Variants in PCLO observed in about 807,000 individuals in gnomAD.
The protein encoded by PCLO is protein piccolo.
In PCLO, 82 loss-of-function variants were observed where a neutral mutation model predicts 427.5. The ratio of observed to expected loss-of-function variants is 0.19; its 90% CI spans 0.16 to 0.23. PCLO has a LOEUF of 0.23. Ranked by LOEUF, PCLO falls within the 10% of genes least tolerant of loss-of-function variation. The probability of loss-of-function intolerance (pLI) is 1.00; values close to 1 mark genes in which losing one functional copy is unlikely to be tolerated. For missense variants in PCLO, 6,239 were observed against 6,115.9 expected, an observed-to-expected ratio of 1.02 and a Z score of -0.67; for synonymous variants, 2,357 against 2,155.4, an observed-to-expected ratio of 1.09 and a Z score of -2.59.
intron 3 of PCLO, among the ~76,000 whole-genome samples, chr7:83,008,883 G>T (rs1338443812): frequency 1.3e-5 from 2 of 151,128 alleles, no homozygotes; most frequent in African/African-American, 2.4e-5. Flanking sequence ...GTTTAGATAA[G>T]AAACACACTC....
At chr7:83,133,836 G>T (rs115542496) in intron 3 of PCLO, among the ~76,000 whole-genome samples, 2 of 152,082 alleles carry the variant, frequency 1.3e-5, no homozygotes, top group South Asian at 2.1e-4. Context: ...AGACTGGAAG[G>T]ATTAGAGATG....
intron 9 of PCLO, among the ~76,000 whole-genome samples, chr7:82,893,453 T>C (rs1793822952): frequency 1.3e-5 from 2 of 151,872 alleles, no homozygotes; most frequent in South Asian, 4.2e-4. Context: ...GGGATAGCAT[T>C]AGGAGATACA....
intron 3 of PCLO, among the ~76,000 whole-genome samples, chr7:83,106,323 C>A (rs1310285852): frequency 6.6e-6 from 1 of 152,160 alleles, no homozygotes; most frequent in African/African-American, 2.4e-5. Context: ...CCCTATGGAG[C>A]ATTATCCTCA....
At chr7:82,817,368 C>G (rs554874405) in intron 20 of PCLO, among the ~76,000 whole-genome samples, 1 of 152,190 alleles carries the variant, frequency 6.6e-6, no homozygotes, top group South Asian at 2.1e-4. Flanking sequence ...TATGCTTTTT[C>G]CTTTATTTTT....
intron 20 of PCLO, chr7:82,821,879 C>G: frequency 1.0e-6 from 1 of 983,314 alleles, no homozygotes; most frequent in Non-Finnish European, 1.2e-6. Flanking sequence ...ATTTTCTTCA[C>G]AGATTTTTCA....
chr7:82,824,226 T>A lies in PCLO; in HGVS notation c.14596+10A>T, dbSNP rs373317266. On this transcript the variant is annotated intron_variant, in intron 19 of 24. Transcript: ENST00000333891. Reference sequence around the variant, plus strand: ...ACAAAACTTTTTCTACTTAAAAAAATATTTCCTACCCTTTGATGGGTCAGG... The same window carrying A: ...ACAAAACTTTTTCTACTTAAAAAAAAATTTCCTACCCTTTGATGGGTCAGG... 4.8e-5 allele frequency: 76 copies of A among 1,578,570 alleles called. No individual in the cohort carries two copies. The highest frequency in any genetic ancestry group is 6.4e-5 in the Non-Finnish European group (75 of 1,163,344).
Position 82,793,644 on chromosome 7 carries a change from A to G in PCLO, c.15007+7874T>C, listed in dbSNP as rs138314022. Among the ~76,000 whole-genome samples the G allele has an allele frequency of 1.5e-3, 221 of 152,230 alleles. 1 individual carries two copies. The highest frequency in any genetic ancestry group is 5.1e-3 in the African/African-American group (212 of 41,532). On this transcript the variant is annotated intron_variant, in intron 22 of 24. Transcript: ENST00000333891. Reference sequence around the variant, plus strand: ...GGGAATCAAATTCAGATTTTTAATAACTGCTAATGAACTCTTCATATTTGA... The same window carrying G: ...GGGAATCAAATTCAGATTTTTAATAGCTGCTAATGAACTCTTCATATTTGA...
intron 7 of PCLO, 107 bp downstream of exon 7, chr7:82,914,579 A>G: frequency 3.7e-6 from 4 of 1,077,950 alleles, no homozygotes; most frequent in Non-Finnish European, 5.5e-6. Flanking sequence ...CATGCAAAAG[A>G]CACACCAAGA....
intron 3 of PCLO, among the ~76,000 whole-genome samples, chr7:83,021,128 CCAAA>C (rs534624421): frequency 9.7e-4 from 147 of 152,270 alleles, no homozygotes; most frequent in African/African-American, 3.5e-3. Context: ...CTTACTCTGA[CCAAA>C]CAGTGACCTC....
At chr7:82,972,507 T>C (rs1795928787) in intron 3 of PCLO, among the ~76,000 whole-genome samples, 2 of 152,080 alleles carry the variant, frequency 1.3e-5, no homozygotes, top group Admixed American at 1.3e-4. Context: ...AGACTTAAAA[T>C]GGTAAGGAAA....
In PCLO at chr7:82,916,315, A is replaced by T; in HGVS notation, c.11671T>A (p.Ser3891Thr). Residue 3891 changes from serine (S) to threonine (T), a missense_variant, in exon 7 of 25, where the codon TCT becomes ACT. By Grantham distance (58) the Ser-to-Thr change is moderately conservative (BLOSUM62 1). Transcript: ENST00000333891. ...GCTTGGGTAGGAAGAGCAGGGGAAG[A>T]GTACTGGTATTGTGTGTAAGGACTT... Reference protein sequence around the residue: ...PTSPYTQYQYSSPALPTQAPT... With the variant: ...PTSPYTQYQYTSPALPTQAPT... 1 of 1,613,662 alleles carries T rather than the reference A, an allele frequency of 6.2e-7. No individual in the cohort carries two copies. The highest frequency in any genetic ancestry group is 2.2e-5 in the East Asian group (1 of 44,850).
rs552814572 is a variant in PCLO at position 82,941,935 on chromosome 7, T to C, written c.11112+7541A>G. On this transcript the variant is annotated intron_variant, in intron 6 of 24. Transcript: ENST00000333891. The stretch of plus-strand genomic sequence containing the variant: ...GGCTCATGCCTGTAATCCCAACACT[T>C]TGGGAGGCCAAGACTGAAGGATCAC... Among the ~76,000 whole-genome samples, 5 of 152,240 alleles carry C rather than the reference T, an allele frequency of 3.3e-5. No homozygotes were observed. The South Asian group carries it at 1.0e-3, about 32-fold the overall frequency.
In PCLO at chr7:82,953,506, G is replaced by T; in HGVS notation, c.7447C>A (p.Pro2483Thr). The change falls in exon 5 of 25, where the codon CCT (proline) becomes ACT (threonine). Residue 2483 changes from proline to threonine, a missense_variant. Around this residue, in one of 5 missense-constraint regions of PCLO, gnomAD observed 4,677 missense variants for 4,468.4 expected, o/e 1.05. Coordinates refer to ENST00000333891, the MANE Select transcript of PCLO (RefSeq NM_033026.6). ...LPVTRICTTA[P>T]PPVPPKPSSI... Reference sequence around the variant, plus strand: ...GATGGCTTAGGAGGAACAGGAGGAGGTGCAGTAGTACATATTCTTGTAACA... The same window carrying T: ...GATGGCTTAGGAGGAACAGGAGGAGTTGCAGTAGTACATATTCTTGTAACA... 1 of 1,613,540 alleles carries T rather than the reference G, an allele frequency of 6.2e-7. No individual in the cohort carries two copies. Among genetic ancestry groups the T allele is most frequent in the Non-Finnish European group, 8.5e-7 (1 of 1,179,774 alleles).
chr7:83,050,562 C>T (rs1339091943), intron 3 of PCLO, among the ~76,000 whole-genome samples: 2 of 151,592 alleles, frequency 1.3e-5, no homozygotes, highest in African/African-American at 2.4e-5. Flanking sequence ...TCAAATCTAA[C>T]GAAGTATAAA....
intron 3 of PCLO, among the ~76,000 whole-genome samples, chr7:83,008,183 G>C (rs1327498690): frequency 1.3e-5 from 2 of 151,542 alleles, no homozygotes; most frequent in African/African-American, 4.8e-5. Context: ...TCCCTGCTGT[G>C]AAAAATAAAG....
chr7:82,828,198 A>G (rs1436576506), intron 16 of PCLO, among the ~76,000 whole-genome samples: 1 of 152,002 alleles, frequency 6.6e-6, no homozygotes, highest in African/African-American at 2.4e-5. Context: ...TTTTAAAGAA[A>G]TGCTTGTAGG....
intron 3 of PCLO, among the ~76,000 whole-genome samples, chr7:83,053,757 A>G (rs1789310510): frequency 6.6e-6 from 1 of 151,900 alleles, no homozygotes; most frequent in African/African-American, 2.4e-5. Flanking sequence ...CTAGATAATT[A>G]CTTCCTAGGC....
intron 3 of PCLO, among the ~76,000 whole-genome samples, chr7:83,029,271 A>C (rs1788593198): frequency 1.3e-5 from 2 of 151,384 alleles, no homozygotes; most frequent in South Asian, 2.1e-4. Context: ...AGAAAAAAAA[A>C]AAAACAACCC....
At chr7:82,960,185 C>T (rs1210862341) in intron 4 of PCLO, among the ~76,000 whole-genome samples, 1 of 152,080 alleles carries the variant, frequency 6.6e-6, no homozygotes, top group South Asian at 2.1e-4. Context: ...TTTTGACGGG[C>T]TAAAATTAAA....
Sources: gnomAD v4.1 joint callset for allele counts (sites outside exome capture counted in the v4.1 genomes callset) on GRCh38, gnomAD v4.1.1 for gene constraint, gnomAD v4.1.1 regional missense constraint, MANE v1.5 for transcripts, NCBI Gene and HGNC (gene_info 2026-07-23, HGNC 2026-07-21) for gene names.